The following DENND2B variants were observed in gnomAD, a reference collection of about 807,000 sequenced individuals.
DENND2B encodes the protein DENN domain containing 2B, also known as DENN domain-containing protein 2B.
In DENND2B, 32 loss-of-function variants were observed where a neutral mutation model predicts 116.0. The ratio of observed to expected loss-of-function variants is 0.28; its 90% CI spans 0.21 to 0.37. The LOEUF (loss-of-function observed/expected upper bound fraction) is 0.37. Ranked by LOEUF, DENND2B falls within the 10% of genes least tolerant of loss-of-function variation. The probability of loss-of-function intolerance (pLI) is 1.00; values close to 1 mark genes in which losing one functional copy is unlikely to be tolerated. For synonymous variants in DENND2B, 588 were observed against 583.9 expected, an observed-to-expected ratio of 1.01 and a Z score of -0.10; for missense variants, 1,276 against 1,477.7, an observed-to-expected ratio of 0.86 and a Z score of 2.24.
In DENND2B at chr11:8,702,899, G is replaced by A. The variant is rs1412784839; in HGVS notation, c.2572-179C>T. 2.6e-6 allele frequency: 2 copies of A among 763,138 alleles called. No individual in the cohort carries two copies. The highest frequency in any genetic ancestry group is 2.0e-6 in the Non-Finnish European group (1 of 492,490). 47.3% of individuals were successfully genotyped at this position (763,138 alleles called of 1,614,324 possible). ...TCCCTCGGACTACAGCTCTGCTCTC[G>A]TAGCACTCGAACACCCAGCCTGTGG... is the stretch of plus-strand genomic sequence containing the variant. On this transcript the variant is annotated intron_variant, in intron 13 of 19. Coordinates refer to ENST00000313726, the MANE Select transcript of DENND2B (RefSeq NM_213618.2). This position sits in a 1 kb window ranked among gnomAD's most constrained non-coding sequence, Gnocchi z 4.6.
chr11:8,747,064 A>G (rs951229692), intron 2 of DENND2B, among the ~76,000 whole-genome samples: 2 of 152,172 alleles, frequency 1.3e-5, no homozygotes, highest in African/African-American at 4.8e-5. Flanking sequence ...GGAAGGTACT[A>G]TAAGGACTCA....
intron 1 of DENND2B, among the ~76,000 whole-genome samples, chr11:8,908,745 T>C (rs1366182161): frequency 6.6e-6 from 1 of 152,228 alleles, no homozygotes; most frequent in Non-Finnish European, 1.5e-5. Flanking sequence ...TTTATCTGTG[T>C]CAATCTTATG....
At chr11:8,909,044 T>C (rs2064275019) in intron 1 of DENND2B, among the ~76,000 whole-genome samples, 1 of 152,138 alleles carries the variant, frequency 6.6e-6, no homozygotes, top group Admixed American at 6.6e-5. Flanking sequence ...AGATGCACCT[T>C]AAACTCTAAA....
At chr11:8,897,064 C>A (rs1261618237) in intron 1 of DENND2B, among the ~76,000 whole-genome samples, 1 of 151,768 alleles carries the variant, frequency 6.6e-6, no homozygotes, top group Non-Finnish European at 1.5e-5. Context: ...CATGGCGAAG[C>A]CCATCTCTAC....
chr11:8,717,305 C>A (rs966554725), intron 5 of DENND2B, among the ~76,000 whole-genome samples: 1 of 152,234 alleles, frequency 6.6e-6, no homozygotes, highest in Non-Finnish European at 1.5e-5. Flanking sequence ...CTACACCTAG[C>A]CCCCTAATGC....
In DENND2B at chr11:8,710,921, CAA is replaced by C; in HGVS notation, c.2283-9_2283-8del. On this transcript the variant is annotated splice_region_variant and splice_polypyrimidine_tract_variant and intron_variant, in intron 10 of 19. Transcript: ENST00000313726. ...CATGAAAGAAAAGGTCTCACTGGAA[CAA>C]AGAGAGGTCTGGCATCAGGGAGGTG... is the stretch of plus-strand genomic sequence containing the variant. The C allele has an allele frequency of 2.5e-6, 4 of 1,614,026 alleles. No individual in the cohort carries two copies. The highest frequency in any genetic ancestry group is 3.4e-6 in the Non-Finnish European group (4 of 1,179,962).
At chr11:8,874,146 T>G (rs2063819536), upstream of DENND2B, among the ~76,000 whole-genome samples, 1 of 152,230 alleles carries the variant, frequency 6.6e-6, no homozygotes, top group African/African-American at 2.4e-5. Context: ...TCCTCTCTCA[T>G]ACGTCTCCTC....
chr11:8,836,735 G>C (rs1255754405), intron 4 of DENND2B, among the ~76,000 whole-genome samples: 4 of 151,878 alleles, frequency 2.6e-5, no homozygotes, highest in African/African-American at 9.7e-5. Context: ...TTGTTTTTGA[G>C]ACAGGGTCTC....
At chr11:8,841,076 C>T (rs989694385) in intron 3 of DENND2B, among the ~76,000 whole-genome samples, 10 of 152,224 alleles carry the variant, frequency 6.6e-5, no homozygotes, top group African/African-American at 1.4e-4. Flanking sequence ...AAGAAACTTA[C>T]GCTGTCATTT....
At chr11:8,760,125 G>A (rs966241872) in intron 1 of DENND2B, among the ~76,000 whole-genome samples, 3 of 152,090 alleles carry the variant, frequency 2.0e-5, no homozygotes, top group Non-Finnish European at 2.9e-5. Context: ...CTAACCTCCC[G>A]ACAGATCGAC....
chr11:8,742,431 G>A (rs1176243356), intron 2 of DENND2B, among the ~76,000 whole-genome samples: 2 of 152,166 alleles, frequency 1.3e-5, no homozygotes, highest in Non-Finnish European at 2.9e-5. Flanking sequence ...TGACTTTTGG[G>A]CTGTCAGTAG....
chr11:8,715,095 A>G (rs1055989236), intron 6 of DENND2B, among the ~76,000 whole-genome samples: 4 of 152,218 alleles, frequency 2.6e-5, no homozygotes, highest in Admixed American at 2.0e-4. Flanking sequence ...TCTGGGCCAT[A>G]ACCTGGGGCC....
intron 1 of DENND2B, among the ~76,000 whole-genome samples, chr11:8,906,862 T>C (rs1007929533): frequency 1.3e-5 from 2 of 152,226 alleles, no homozygotes; most frequent in African/African-American, 2.4e-5. Flanking sequence ...CTCTTAAGTC[T>C]GCTGGAGAAA....
intron 18 of DENND2B, 112 bp downstream of exon 18, chr11:8,696,315 G>A (rs2040349139): frequency 6.8e-7 from 1 of 1,476,722 alleles, no homozygotes; most frequent in African/African-American, 1.4e-5. Flanking sequence ...GTAAAGGGAT[G>A]TTAAGAGGCC....
At chr11:8,904,988 T>A (rs2064217383) in intron 1 of DENND2B, among the ~76,000 whole-genome samples, 1 of 152,136 alleles carries the variant, frequency 6.6e-6, no homozygotes, top group Non-Finnish European at 1.5e-5. Context: ...TCAATTAATC[T>A]GTGAATTCAA....
At chr11:8,713,929 C>T (rs368285410) in intron 8 of DENND2B, 69 bp downstream of exon 8, 23 of 1,558,380 alleles carry the variant, frequency 1.5e-5, no homozygotes, top group East Asian at 2.2e-5. Context: ...ACACATGCAT[C>T]GGAAGGGAAG....
intron 4 of DENND2B, among the ~76,000 whole-genome samples, chr11:8,833,542 T>TAGA (rs1345120727): frequency 6.6e-6 from 1 of 152,070 alleles, no homozygotes; most frequent in East Asian, 1.9e-4. Flanking sequence ...GAGACACATA[T>TAGA]AGACACACGT....
At chr11:8,906,681 T>G (rs1240103410) in intron 1 of DENND2B, among the ~76,000 whole-genome samples, 2 of 152,194 alleles carry the variant, frequency 1.3e-5, no homozygotes, top group African/African-American at 4.8e-5. Context: ...TGAAAGTTAA[T>G]TCTCAGAAGT....
intron 1 of DENND2B, chr11:8,766,544 G>C: frequency 1.8e-6 from 2 of 1,098,784 alleles, no homozygotes; most frequent in African/African-American, 1.6e-5. Flanking sequence ...AAGAGACAGG[G>C]AGCAATGGGA....
Sources: gnomAD v4.1 joint callset for allele counts (sites outside exome capture counted in the v4.1 genomes callset) on GRCh38, gnomAD v4.1.1 for gene constraint, Gnocchi (gnomAD v3.1) non-coding constraint, MANE v1.5 for transcripts, NCBI Gene and HGNC (gene_info 2026-07-23, HGNC 2026-07-21) for gene names.